Variants in NPAS2 observed in about 807,000 individuals in gnomAD.
The protein encoded by NPAS2 is neuronal PAS domain-containing protein 2.
Under a neutral mutation model 107.5 loss-of-function variants are expected in NPAS2, and 23 were observed. That is an observed-to-expected ratio of 0.21 (90% confidence interval 0.15 to 0.30). The LOEUF is 0.30. NPAS2 is among the 10% of genes least tolerant of loss of function. The pLI, the probability that NPAS2 is intolerant of heterozygous loss-of-function variation, is 1.00. For missense variants in NPAS2, 756 were observed against 1,043.3 expected (o/e 0.72, Z 3.79); for synonymous variants, 403 against 417.5 (o/e 0.97, Z 0.42).
At chr2:100,825,352 C>A (rs148421775) in intron 1 of NPAS2, among the ~76,000 whole-genome samples, 204 of 152,268 alleles carry the variant, frequency 1.3e-3, no homozygotes, top group African/African-American at 4.7e-3. Context: ...AAGGAAAAAA[C>A]CCCACAATTT....
chr2:100,854,471 G>A (rs1054573475), intron 1 of NPAS2, among the ~76,000 whole-genome samples: 1 of 152,170 alleles, frequency 6.6e-6, no homozygotes, highest in African/African-American at 2.4e-5. Flanking sequence ...GACAGACTAT[G>A]ACTCTAGATC....
At chr2:100,931,008 G>A (rs1464556979) in intron 3 of NPAS2, among the ~76,000 whole-genome samples, 5 of 152,162 alleles carry the variant, frequency 3.3e-5, no homozygotes, top group Non-Finnish European at 5.9e-5. Context: ...CTAAGTGGTC[G>A]AACTGTGGCA....
intron 1 of NPAS2, among the ~76,000 whole-genome samples, chr2:100,849,309 G>A (rs754409774): frequency 6.6e-6 from 1 of 152,124 alleles, no homozygotes; most frequent in Non-Finnish European, 1.5e-5. Flanking sequence ...TTAGCTAAAC[G>A]GTCACCTCCC....
Position 100,820,760 on chromosome 2 carries a change from C to T in NPAS2, c.-23+346C>T, listed in dbSNP as rs1335975739. ...GACAGGGTGGAGAAGGATCGTGCCC[C>T]AGGGCAACAGCTTTGGGGATTGCCC... On this transcript the variant is annotated intron_variant, in intron 1 of 20. Transcript: ENST00000335681. The surrounding 1 kb of genome is among the most constrained non-coding windows in gnomAD (Gnocchi z 5.6). 6.6e-6 allele frequency among the ~76,000 whole-genome samples: 1 copy of T among 152,196 alleles called. No homozygotes were observed. Among genetic ancestry groups the T allele is most frequent in the Non-Finnish European group, 1.5e-5 (1 of 68,008 alleles).
chr2:100,995,306 A>G, intron 20 of NPAS2, 94 bp from the exon 21 acceptor site: 2 of 1,186,210 alleles, frequency 1.7e-6, no homozygotes, highest in Middle Eastern at 2.0e-4. Context: ...CTGTAGTCTA[A>G]CTCAACCTGC....
intron 1 of NPAS2, among the ~76,000 whole-genome samples, chr2:100,889,687 C>T (rs1196367781): frequency 6.6e-6 from 1 of 152,090 alleles, no homozygotes; most frequent in Non-Finnish European, 1.5e-5. Flanking sequence ...AAGGCCTCAC[C>T]AGGCAGCAAT....
chr2:100,821,279 A>AATAT, intron 1 of NPAS2: 1 of 1,167,452 alleles, frequency 8.6e-7, no homozygotes, highest in Non-Finnish European at 1.1e-6. Context: ...GGAAACCTTG[A>AATAT]ATATACGCAC....
chr2:100,963,416 T>TTTGTTTTG (rs367674055), intron 7 of NPAS2, among the ~76,000 whole-genome samples: 4 of 152,214 alleles, frequency 2.6e-5, no homozygotes, highest in South Asian at 2.1e-4. Context: ...TTTGTTTTGT[T>TTTGTTTTG]TTGTTTGGAG....
intron 2 of NPAS2, among the ~76,000 whole-genome samples, chr2:100,913,321 G>T (rs1682668853): frequency 1.3e-5 from 2 of 152,128 alleles, no homozygotes; most frequent in Admixed American, 1.3e-4. Flanking sequence ...AACTTGATTG[G>T]AAAGCATTTA....
At chr2:100,831,418 C>T (rs553109417) in intron 1 of NPAS2, among the ~76,000 whole-genome samples, 1 of 152,200 alleles carries the variant, frequency 6.6e-6, no homozygotes, top group Admixed American at 6.5e-5. Flanking sequence ...TGCCTAATTC[C>T]CTGGAGATCA....
At chr2:100,891,231 CA>C (rs141211705) in intron 1 of NPAS2, among the ~76,000 whole-genome samples, 1,494 of 93,732 alleles carry the variant, frequency 0.016, 16 homozygotes, top group African/African-American at 0.045. Flanking sequence ...GACTCCATCT[CA>C]AAAAAAAAAA....
At chr2:100,912,213 T>C (rs1682594177) in intron 2 of NPAS2, among the ~76,000 whole-genome samples, 1 of 124,450 alleles carries the variant, frequency 8.0e-6, no homozygotes, top group East Asian at 2.4e-4. Context: ...TTCAGTTTGC[T>C]CCATTTATTT....
chr2:100,959,103 A>AACAAAC (rs1553461894), intron 7 of NPAS2, among the ~76,000 whole-genome samples: 1 of 66,860 alleles, frequency 1.5e-5, no homozygotes, highest in Non-Finnish European at 4.0e-5. Context: ...AAAAAAAAAA[A>AACAAAC]AAAAAACAAA....
chr2:100,986,777 A>G (rs1396297034), intron 16 of NPAS2: 1 of 152,220 alleles, frequency 6.6e-6, no homozygotes, highest in African/African-American at 2.4e-5. Flanking sequence ...TTTATGTTCA[A>G]TTAGTTGATA....
In NPAS2 at chr2:100,925,157, A is replaced by T; in HGVS notation, c.44A>T (p.Asn15Ile). 1 of 1,611,680 alleles carries T rather than the reference A, an allele frequency of 6.2e-7. No individual in the cohort carries two copies. The highest frequency in any genetic ancestry group is 8.5e-7 in the Non-Finnish European group (1 of 1,178,122). Residue 15 changes from asparagine (N) to isoleucine (I), a missense_variant, in exon 3 of 21, where the codon AAC (asparagine) becomes ATC (isoleucine). Around this residue, in one of 4 missense-constraint regions of NPAS2, gnomAD observed 146 missense variants for 249.6 expected, o/e 0.58. Coordinates refer to ENST00000335681, the MANE Select transcript of NPAS2 (RefSeq NM_002518.4). ...TTTTGTGTTTACAGAGCTTCTCGAA[A>T]CAAGTCTGAGAAGAAGCGTCGGGAC... ...EKDRAKRASR[N>I]KSEKKRRDQF...
chr2:100,891,469 C>T (rs1054105373), intron 1 of NPAS2, among the ~76,000 whole-genome samples: 1 of 152,168 alleles, frequency 6.6e-6, no homozygotes, highest in Non-Finnish European at 1.5e-5. Flanking sequence ...CCATTTCTGA[C>T]CGCTGTGCTG....
At chr2:100,875,881 G>T (rs1679936418) in intron 1 of NPAS2, among the ~76,000 whole-genome samples, 1 of 152,094 alleles carries the variant, frequency 6.6e-6, no homozygotes, top group Admixed American at 6.5e-5. Context: ...ATCAAATACC[G>T]CAGAAAGCAA....
chr2:100,823,232 A>G (rs1676179218), intron 1 of NPAS2, among the ~76,000 whole-genome samples: 1 of 152,180 alleles, frequency 6.6e-6, no homozygotes, highest in African/African-American at 2.4e-5. Context: ...CACTAAATAA[A>G]CATGTATTAA....
At chr2:100,927,609 A>G (rs1336743019) in intron 3 of NPAS2, among the ~76,000 whole-genome samples, 1 of 152,250 alleles carries the variant, frequency 6.6e-6, no homozygotes, top group Non-Finnish European at 1.5e-5. Flanking sequence ...AGATGGAACC[A>G]TGAATTATAC....
Sources: allele counts gnomAD v4.1 joint callset (sites outside exome capture counted in the v4.1 genomes callset), GRCh38; gene constraint gnomAD v4.1.1; regional missense constraint gnomAD v4.1.1; non-coding constraint Gnocchi (gnomAD v3.1); transcripts MANE v1.5; gene names NCBI Gene and HGNC (gene_info 2026-07-23, HGNC 2026-07-21).